The following PRRC2B variants were observed in gnomAD, a reference collection of about 807,000 sequenced individuals.
PRRC2B encodes the protein protein PRRC2B.
PRRC2B carries 68 observed loss-of-function variants against 242.3 expected under a neutral mutation model. The ratio of observed to expected loss-of-function variants is 0.28; its 90% confidence interval spans 0.23 to 0.34. The LOEUF (loss-of-function observed/expected upper bound fraction) is 0.34, where lower values mean the gene tolerates loss of function less well. Ranked by LOEUF, PRRC2B falls within the 10% of genes least tolerant of loss-of-function variation. The pLI, the probability that PRRC2B is intolerant of heterozygous loss-of-function variation, is 1.00. For missense variants in PRRC2B, 2,835 were observed against 2,954.8 expected (o/e 0.96, Z 0.94); for synonymous variants, 1,228 against 1,173.6 (o/e 1.05, Z -0.95).
At chr9:131,373,692 G>A (rs559918199) in exon 1 of PRRC2B, 1 of 152,394 alleles carries the variant, frequency 6.6e-6, no homozygotes, top group East Asian at 1.9e-4. Flanking sequence ...CGTGCGTGAG[G>A]GAGGGTGGGT....
intron 13 of PRRC2B, among the ~76,000 whole-genome samples, chr9:131,470,493 AG>A (rs963038050): frequency 2.0e-5 from 3 of 152,176 alleles, no homozygotes; most frequent in African/African-American, 7.2e-5. Flanking sequence ...GTTCGGTTCC[AG>A]GAGTGTCTGA....
intron 1 of PRRC2B, among the ~76,000 whole-genome samples, chr9:131,376,622 A>G (rs896084346): frequency 6.6e-6 from 1 of 152,200 alleles, no homozygotes; most frequent in Non-Finnish European, 1.5e-5. Flanking sequence ...TGTTAACACA[A>G]CTGGAAGTGG....
intron 28 of PRRC2B, among the ~76,000 whole-genome samples, chr9:131,488,402 TA>T (rs1944088049): frequency 6.6e-6 from 1 of 152,104 alleles, no homozygotes; most frequent in African/African-American, 2.4e-5. Flanking sequence ...TAGCTGGGAC[TA>T]CAAGTGTGTG....
At chr9:131,410,797 A>G (rs1010149981) in intron 1 of PRRC2B, among the ~76,000 whole-genome samples, 1 of 151,936 alleles carries the variant, frequency 6.6e-6, no homozygotes, top group Admixed American at 6.6e-5. Flanking sequence ...ATGCAGATGT[A>G]TTTATTACAC....
At chr9:131,401,723 C>T (rs951492555) in intron 1 of PRRC2B, among the ~76,000 whole-genome samples, 2 of 151,910 alleles carry the variant, frequency 1.3e-5, no homozygotes, top group Non-Finnish European at 2.9e-5. Context: ...TGCAATGGCG[C>T]GATCTCGGCT....
At chr9:131,442,172 G>A (rs1406390576) in intron 5 of PRRC2B, among the ~76,000 whole-genome samples, 4 of 150,186 alleles carry the variant, frequency 2.7e-5, no homozygotes, top group South Asian at 4.2e-4. Flanking sequence ...TCATTCTGTT[G>A]CCCAGGCTGG....
chr9:131,435,996 A>G (rs1006342716), intron 3 of PRRC2B, among the ~76,000 whole-genome samples: 1 of 152,236 alleles, frequency 6.6e-6, no homozygotes, highest in South Asian at 2.1e-4. Context: ...TATTTTTACT[A>G]TGAGCATGTA....
In PRRC2B at chr9:131,444,389, C is replaced by T. The variant is rs965434571; in HGVS notation, c.613+61C>T. ...AACAGAACTTCCTCCTCTCATCTCT[C>T]TGCACTCCTAAAAGGGTGCTGATGC... is the stretch of plus-strand genomic sequence containing the variant. On this transcript the variant is annotated intron_variant, in intron 6 of 31. Coordinates refer to ENST00000683519, the MANE Select transcript of PRRC2B (RefSeq NM_013318.4). 17 of 1,561,224 alleles carry T rather than the reference C, an allele frequency of 1.1e-5. No individual in the cohort carries two copies. The African/African-American group carries it at 2.0e-4, about 19-fold the overall frequency.
At chr9:131,414,469 T>C (rs1311498031) in intron 1 of PRRC2B, among the ~76,000 whole-genome samples, 2 of 137,984 alleles carry the variant, frequency 1.4e-5, no homozygotes, top group Non-Finnish European at 3.2e-5. Context: ...TGTAATTTCC[T>C]GGAAATGGTA....
At position 131,494,990 on chromosome 9, in the gene PRRC2B, CAGAGCTTA is replaced by C. The variant is rs1429778250; in HGVS notation, c.6555+507_6555+514del. ...CTATTCTCTAAAACGTGCTGGGGCT[CAGAGCTTA>C]AGCCCCTCAGACGTGGGTTTTTAAT... On this transcript the variant is annotated intron_variant, in intron 31 of 31. Transcript: ENST00000683519. This position sits in a 1 kb window ranked among gnomAD's most constrained non-coding sequence, Gnocchi z 4.3. Among the ~76,000 whole-genome samples the C allele has an allele frequency of 3.3e-5, 5 of 152,192 alleles. No individual in the cohort carries two copies.
intron 5 of PRRC2B, among the ~76,000 whole-genome samples, chr9:131,440,073 CTGAG>C (rs1026604225): frequency 5.9e-5 from 9 of 151,656 alleles, no homozygotes; most frequent in African/African-American, 1.7e-4. Flanking sequence ...AATTGATTGA[CTGAG>C]TGATTGATTG....
intron 30 of PRRC2B, among the ~76,000 whole-genome samples, chr9:131,493,916 C>T (rs778740650): frequency 2.6e-5 from 4 of 152,058 alleles, no homozygotes; most frequent in Non-Finnish European, 1.5e-5. Flanking sequence ...TGGGAACTAA[C>T]TAGTGGTCAG....
chr9:131,436,705 C>A lies in PRRC2B; in HGVS notation c.379C>A (p.Gln127Lys), dbSNP rs755085495. 3 of 1,613,912 alleles carry A rather than the reference C, an allele frequency of 1.9e-6. No homozygotes were observed. The highest frequency in any genetic ancestry group is 2.5e-6 in the Non-Finnish European group (3 of 1,179,794). ...TGTCTCCAATTTGCAGAAACCGACA[C>A]AGTCAATCAGTCAGGAGGTAGGTGC... ...KSVSNLQKPT[Q>K]SISQENTNSV... The change falls in exon 4 of 32, where the codon CAG becomes AAG. Residue 127 changes from glutamine to lysine, a missense_variant. Physicochemically the swap from Gln to Lys is moderately conservative, Grantham distance 53. This residue lies in a region of PRRC2B where 626 missense variants were observed against 685.5 expected (regional missense o/e 0.91). Transcript: ENST00000683519.
intron 9 of PRRC2B, among the ~76,000 whole-genome samples, chr9:131,452,503 A>G (rs1224641221): frequency 1.3e-5 from 2 of 152,190 alleles, no homozygotes; most frequent in South Asian, 2.1e-4. Context: ...AATTATTAAC[A>G]TAAAGTTGTT....
Position 131,482,388 on chromosome 9 carries a change from C to T in PRRC2B, c.5001C>T (p.Ser1667=). 1 of 1,589,064 alleles carries T rather than the reference C, an allele frequency of 6.3e-7. No homozygotes were observed. The highest frequency in any genetic ancestry group is 8.6e-7 in the Non-Finnish European group (1 of 1,161,646). The change falls in exon 21 of 32, where the codon AGC becomes AGT. Residue 1667 remains serine (S), a synonymous_variant. Transcript: ENST00000683519. This position sits in a 1 kb window ranked among gnomAD's most constrained non-coding sequence, Gnocchi z 5.2. ...TGSAEQGFKS[S]QGDSGVDLSA... ...CTGCACAGCAGGGTTTTAAGAGCAG[C>T]CAGGGAGATAGTGGCGTTGACTTGA... is the stretch of plus-strand genomic sequence containing the variant.
At chr9:131,409,477 C>T (rs1486365101) in intron 1 of PRRC2B, among the ~76,000 whole-genome samples, 1 of 152,234 alleles carries the variant, frequency 6.6e-6, no homozygotes, top group Non-Finnish European at 1.5e-5. Context: ...AGCCACTGCT[C>T]CCTGGCCACA....
intron 1 of PRRC2B, among the ~76,000 whole-genome samples, chr9:131,420,809 G>T (rs369405358): frequency 6.6e-6 from 1 of 151,940 alleles, no homozygotes; most frequent in Non-Finnish European, 1.5e-5. Flanking sequence ...ACAGTGCCAC[G>T]TAGGGAGCCT....
At chr9:131,477,685 C>T (rs1003645953) in intron 16 of PRRC2B, 59 bp from the exon 17 acceptor site, 17 of 1,016,234 alleles carry the variant, frequency 1.7e-5, no homozygotes, top group South Asian at 4.2e-5. Context: ...GCTGTGTGCA[C>T]GTGCGGTGTT....
chr9:131,481,805 G>T lies in PRRC2B; in HGVS notation c.4980G>T (p.Ala1660=), dbSNP rs369574110. Residue 1660 remains alanine (A), a synonymous_variant, in exon 20 of 32, where the codon GCG becomes GCT. Coordinates refer to ENST00000683519, the MANE Select transcript of PRRC2B (RefSeq NM_013318.4). ...TAFSSTETGS[A]EQGFKSSQGD... Reference sequence around the variant, plus strand: ...TCAGCAGCACCGAGACTGGCTCTGCGGAGGTGAGTGTGGCCGCTGCCCACA... The same window carrying T: ...TCAGCAGCACCGAGACTGGCTCTGCTGAGGTGAGTGTGGCCGCTGCCCACA... 3.2e-6 allele frequency: 5 copies of T among 1,555,606 alleles called. No homozygotes were observed. Among genetic ancestry groups the T allele is most frequent in the Non-Finnish European group, 2.6e-6 (3 of 1,152,454 alleles).
Sources: allele counts gnomAD v4.1 joint callset (sites outside exome capture counted in the v4.1 genomes callset), GRCh38; gene constraint gnomAD v4.1.1; regional missense constraint gnomAD v4.1.1; non-coding constraint Gnocchi (gnomAD v3.1); transcripts MANE v1.5; gene names NCBI Gene and HGNC (gene_info 2026-07-23, HGNC 2026-07-21).